The following GATAD1 variants were observed in gnomAD, a reference collection of about 807,000 sequenced individuals.
The protein encoded by GATAD1 is GATA zinc finger domain-containing protein 1.
In GATAD1, 12 loss-of-function variants were observed where a neutral mutation model predicts 26.5. The ratio of observed to expected loss-of-function variants is 0.45; its 90% CI spans 0.29 to 0.73. The LOEUF (loss-of-function observed/expected upper bound fraction) is 0.73. GATAD1 is among the 30% of genes least tolerant of loss of function. The pLI, the probability that GATAD1 is intolerant of heterozygous loss-of-function variation, is 0.10. For missense variants in GATAD1, 266 were observed against 342.1 expected, an observed-to-expected ratio of 0.78 and a Z score of 1.75; for synonymous variants, 129 against 133.1, an observed-to-expected ratio of 0.97 and a Z score of 0.21.
the GATAD1 span, chr7:92,489,243 A>G: frequency 3.3e-6 from 5 of 1,515,594 alleles, no homozygotes; most frequent in South Asian, 2.3e-5. Flanking sequence ...GTGTAATACT[A>G]TGTCACTTGT....
At chr7:92,449,373 T>C in intron 2 of GATAD1, 2 of 979,560 alleles carry the variant, frequency 2.0e-6, no homozygotes, top group Non-Finnish European at 2.4e-6. Context: ...TCAAAAATTT[T>C]GCTAAGCCTT....
At chr7:92,490,875 G>A in the GATAD1 span, among the ~76,000 whole-genome samples, 2 of 152,126 alleles carry the variant, frequency 1.3e-5, no homozygotes, top group African/African-American at 4.8e-5. Flanking sequence ...TGCAGCAAAA[G>A]TATCACAGAT....
At chr7:92,449,321 A>G (rs891568240) in intron 2 of GATAD1, 203 of 861,284 alleles carry the variant, frequency 2.4e-4, no homozygotes, top group Non-Finnish European at 2.8e-4. Flanking sequence ...CAGAAAATGT[A>G]TCTTACTGAC....
At chr7:92,454,742 T>A in intron 4 of GATAD1, 57 bp downstream of exon 4, 2 of 1,177,866 alleles carry the variant, frequency 1.7e-6, no homozygotes, top group South Asian at 3.0e-5. Flanking sequence ...TCCAATATTA[T>A]GTAAAAGAGT....
the GATAD1 span, chr7:92,472,219 C>G: frequency 6.6e-6 from 1 of 152,232 alleles, no homozygotes; most frequent in Non-Finnish European, 1.5e-5. Context: ...AGCACTGGCC[C>G]TTCAAGTAAT....
At position 92,447,921 on chromosome 7, in the gene GATAD1, C is replaced by T. The variant is rs1176944795; in HGVS notation, c.192C>T (p.Thr64=). 7 of 1,248,856 alleles carry T rather than the reference C, an allele frequency of 5.6e-6. No homozygotes were observed. The highest frequency in any genetic ancestry group is 7.0e-6 in the Non-Finnish European group (7 of 998,976). The allele number at this position is 1,248,856 out of a possible 1,614,324, so 77.4% of individuals were successfully genotyped here. ...GSGGGGFGAA[T]FASTSATPPQ... The stretch of plus-strand genomic sequence containing the variant: ...GCGGCGGCGGCTTCGGCGCGGCGAC[C>T]TTCGCCAGCACCTCCGCCACCCCTC... Residue 64 remains threonine (T), a synonymous_variant, in exon 1 of 5, where the codon ACC becomes ACT. Coordinates refer to ENST00000287957, the MANE Select transcript of GATAD1 (RefSeq NM_021167.5).
chr7:92,462,314 T>A (rs1789947782), downstream of GATAD1, among the ~76,000 whole-genome samples: 1 of 151,816 alleles, frequency 6.6e-6, no homozygotes, highest in East Asian at 1.9e-4. Flanking sequence ...AAAAAAAGTT[T>A]ATAAAATGTT....
chr7:92,473,458 G>A, the GATAD1 span, among the ~76,000 whole-genome samples: 185 of 152,030 alleles, frequency 1.2e-3, 1 homozygote, highest in African/African-American at 4.1e-3. Context: ...TGAACAGGAC[G>A]GGCATTCTTT....
the GATAD1 span, among the ~76,000 whole-genome samples, chr7:92,473,709 C>A: frequency 6.6e-6 from 1 of 151,836 alleles, no homozygotes; most frequent in Admixed American, 6.6e-5. Flanking sequence ...GACTGCCCGT[C>A]TTAGGACCCC....
At chr7:92,482,211 G>T in the GATAD1 span, among the ~76,000 whole-genome samples, 3 of 152,194 alleles carry the variant, frequency 2.0e-5, no homozygotes, top group Non-Finnish European at 4.4e-5. Flanking sequence ...GGTCAGTCCA[G>T]GTAAAAGCAA....
the GATAD1 span, chr7:92,493,883 C>A: frequency 4.8e-6 from 1 of 208,142 alleles, no homozygotes; most frequent in Non-Finnish European, 9.8e-6. Flanking sequence ...AGAGTTGGAA[C>A]AACACAGGAC....
the GATAD1 span, chr7:92,487,301 C>T: frequency 9.3e-6 from 5 of 537,690 alleles, no homozygotes; most frequent in Admixed American, 3.4e-5. Context: ...CAATCCTGAT[C>T]ATTACATAAT....
At chr7:92,448,148 G>GC (rs1244958945) in intron 1 of GATAD1, among the ~76,000 whole-genome samples, 170 bp downstream of exon 1, 1 of 152,222 alleles carries the variant, frequency 6.6e-6, no homozygotes, top group African/African-American at 2.4e-5. Context: ...CCATTCCGAA[G>GC]CACCTGTTAT....
At chr7:92,486,696 T>G in the GATAD1 span, among the ~76,000 whole-genome samples, 7 of 152,152 alleles carry the variant, frequency 4.6e-5, no homozygotes, top group Non-Finnish European at 1.0e-4. Context: ...GGGGTCTCAC[T>G]ATGTTGCCCA....
At chr7:92,489,085 A>G in the GATAD1 span, among the ~76,000 whole-genome samples, 1 of 152,224 alleles carries the variant, frequency 6.6e-6, no homozygotes, top group African/African-American at 2.4e-5. Context: ...AATATAATCA[A>G]ATGAACTGGT....
the GATAD1 span, among the ~76,000 whole-genome samples, chr7:92,467,972 G>A: frequency 2.0e-5 from 3 of 152,220 alleles, no homozygotes; most frequent in African/African-American, 4.8e-5. Context: ...TCATGGTTGT[G>A]TTACTTGGGG....
chr7:92,449,290 A>G (rs1054514803), intron 2 of GATAD1: 3 of 786,544 alleles, frequency 3.8e-6, no homozygotes, highest in Non-Finnish European at 4.6e-6. Flanking sequence ...TCATTTGCAT[A>G]TTTATTTGTT....
chr7:92,469,058 T>C, the GATAD1 span: 1 of 706,344 alleles, frequency 1.4e-6, no homozygotes, highest in South Asian at 1.5e-5. Flanking sequence ...ATCCATTGGC[T>C]GAGGAGGCCC....
chr7:92,480,546 C>T, the GATAD1 span, among the ~76,000 whole-genome samples: 1 of 152,084 alleles, frequency 6.6e-6, no homozygotes, highest in Non-Finnish European at 1.5e-5. Context: ...TTGTAACCTA[C>T]ATGGAAGAGG....
Sources: gnomAD v4.1 joint callset for allele counts (sites outside exome capture counted in the v4.1 genomes callset) on GRCh38, gnomAD v4.1.1 for gene constraint, MANE v1.5 for transcripts, NCBI Gene and HGNC (gene_info 2026-07-23, HGNC 2026-07-21) for gene names.